The following RCN2 variants were observed in gnomAD, a reference collection of about 807,000 sequenced individuals.
RCN2 encodes the protein reticulocalbin 2, also known as reticulocalbin-2.
A neutral mutation model predicts 37.5 loss-of-function variants in RCN2; 23 were observed. That is an observed-to-expected ratio of 0.61 (90% CI 0.44 to 0.87). RCN2 has a LOEUF of 0.87. Ranked by LOEUF, RCN2 falls within the 40% of genes least tolerant of loss-of-function variation. The pLI, the probability that RCN2 is intolerant of heterozygous loss-of-function variation, is 0.00. For missense variants in RCN2, 381 were observed against 390.4 expected (o/e 0.98, Z 0.20); for synonymous variants, 140 against 144.6 (o/e 0.97, Z 0.23).
At chr15:76,939,313 ATAT>A (rs1410726052) in intron 3 of RCN2, among the ~76,000 whole-genome samples, 1 of 152,004 alleles carries the variant, frequency 6.6e-6, no homozygotes, top group Non-Finnish European at 1.5e-5. Flanking sequence ...GTGTGGATAA[ATAT>A]TAATAAATGG....
At position 76,943,779 on chromosome 15, in the gene RCN2, C is replaced by CTTTTGTT. The variant is rs2075284664; in HGVS notation, c.469_470insTTTTGTT (p.Arg157LeufsTer5). ...AAAGCTTCACTTAAAGGACAAGAAG[C>CTTTTGTT]GATTTGAAAAAGCTAACCAGGATTC... On this transcript the variant is annotated frameshift_variant, in exon 4 of 7. Transcript: ENST00000394885. LOFTEE classifies it high-confidence loss of function. The CTTTTGTT allele has an allele frequency of 6.2e-7, 1 of 1,602,490 alleles. No homozygotes were observed. The highest frequency in any genetic ancestry group is 1.3e-5 in the African/African-American group (1 of 74,650).
intron 4 of RCN2, among the ~76,000 whole-genome samples, chr15:76,946,237 C>T (rs2075296182): frequency 6.6e-6 from 1 of 151,108 alleles, no homozygotes; most frequent in African/African-American, 2.4e-5. Flanking sequence ...AGGAGGACAG[C>T]TTGAGGCTAG....
At chr15:76,947,662 A>G in intron 5 of RCN2, 145 bp downstream of exon 5, 2 of 591,404 alleles carry the variant, frequency 3.4e-6, no homozygotes, top group South Asian at 2.2e-5. Context: ...CTGTAATACA[A>G]GTTCAACAAA....
chr15:76,939,051 T>A (rs138009641), intron 3 of RCN2, among the ~76,000 whole-genome samples: 5 of 152,180 alleles, frequency 3.3e-5, no homozygotes, highest in African/African-American at 1.2e-4. Flanking sequence ...TAAAGCTGTC[T>A]AGTTAACAAA....
At chr15:76,934,171 C>G (rs1364760624) in intron 2 of RCN2, among the ~76,000 whole-genome samples, 1 of 150,670 alleles carries the variant, frequency 6.6e-6, no homozygotes, top group Non-Finnish European at 1.5e-5. Context: ...GAGGCAGAGT[C>G]TCGCTCTTGT....
intron 6 of RCN2, 37 bp downstream of exon 6, chr15:76,948,589 TCC>T (rs771677983): frequency 6.8e-7 from 1 of 1,468,932 alleles, no homozygotes. Context: ...CTCCACCCCC[TCC>T]CCCCGAATTT....
chr15:76,933,629 A>C (rs991208487), intron 2 of RCN2, among the ~76,000 whole-genome samples: 10 of 152,274 alleles, frequency 6.6e-5, no homozygotes, highest in Admixed American at 3.3e-4. Flanking sequence ...CCAAATATTC[A>C]TTATACAGAT....
At chr15:76,946,831 G>A (rs950589557) in intron 4 of RCN2, among the ~76,000 whole-genome samples, 1 of 152,204 alleles carries the variant, frequency 6.6e-6, no homozygotes, top group African/African-American at 2.4e-5. Flanking sequence ...TAGGGAAAAG[G>A]ATTGGTTGTT....
At chr15:76,936,153 G>A (rs1568459142) in intron 3 of RCN2, among the ~76,000 whole-genome samples, 4 of 150,072 alleles carry the variant, frequency 2.7e-5, no homozygotes, top group South Asian at 2.1e-4. Flanking sequence ...ACTGAGAATC[G>A]TAAGTATCCA....
In RCN2 at chr15:76,949,180, C is replaced by T; in HGVS notation, c.912C>T (p.Gly304=). Residue 304 remains glycine, a synonymous_variant, in exon 7 of 7, where the codon GGC becomes GGT. Coordinates refer to ENST00000394885, the MANE Select transcript of RCN2 (RefSeq NM_002902.3). ...LFLTSEATDY[G]RQLHDDYFYH... is the part of the protein sequence containing the mutation. ...TCACCAGTGAAGCCACAGATTATGG[C>T]AGACAGCTCCATGATGACTATTTCT... is the stretch of plus-strand genomic sequence containing the variant. 6.2e-7 allele frequency: 1 copy of T among 1,612,934 alleles called. No homozygotes were observed. Among genetic ancestry groups the T allele is most frequent in the Non-Finnish European group, 8.5e-7 (1 of 1,179,404 alleles).
rs1210403704 is a variant in RCN2 at position 76,947,434 on chromosome 15, A to G, written c.575A>G (p.Gln192Arg). Reference protein sequence around the residue: ...EVDYMTEFVIQEALEEHDKNG... With the variant: ...EVDYMTEFVIREALEEHDKNG... ...AACGTGGAATAGGAATTTGTCATTC[A>G]AGAAGCTTTAGAAGAACATGACAAA... Residue 192 changes from glutamine (Q) to arginine (R), a missense_variant, in exon 5 of 7, where the codon CAA becomes CGA. By Grantham distance (43) the Gln-to-Arg change is conservative. Coordinates refer to ENST00000394885, the MANE Select transcript of RCN2 (RefSeq NM_002902.3). The G allele has an allele frequency of 1.3e-6, 2 of 1,596,970 alleles. No homozygotes were observed. The highest frequency in any genetic ancestry group is 2.3e-5 in the East Asian group (1 of 44,226).
Position 76,949,073 on chromosome 15 carries a change from C to A in RCN2, c.805C>A (p.Leu269Ile). ...ACTTTTTTGTTTTATTTTGAAGGCGCTTCATCTAATTGATGAAATGGATTT... is the reference window on the plus strand; with the variant it reads ...ACTTTTTTGTTTTATTTTGAAGGCGATTCATCTAATTGATGAAATGGATTT... Reference protein sequence around the residue: ...NNQGIAQEEALHLIDEMDLNG... With the variant: ...NNQGIAQEEAIHLIDEMDLNG... Residue 269 changes from leucine to isoleucine, a missense_variant, in exon 7 of 7, where the codon CTT becomes ATT. Physicochemically the swap from Leu to Ile is conservative, Grantham distance 5. Transcript: ENST00000394885. 6.3e-7 allele frequency: 1 copy of A among 1,592,118 alleles called. No homozygotes were observed. Among genetic ancestry groups the A allele is most frequent in the Non-Finnish European group, 8.5e-7 (1 of 1,172,118 alleles).
At chr15:76,941,814 T>C (rs1011917801) in intron 3 of RCN2, 4 of 512,338 alleles carry the variant, frequency 7.8e-6, no homozygotes, top group East Asian at 6.5e-5. Context: ...TTTCTTTCCA[T>C]AGGCAAATTT....
intron 3 of RCN2, chr15:76,942,961 A>G (rs2075281738): frequency 6.6e-6 from 1 of 152,202 alleles, no homozygotes; most frequent in African/African-American, 2.4e-5. Flanking sequence ...CCAAAAAAGA[A>G]AAGATTTCCA....
intron 2 of RCN2, among the ~76,000 whole-genome samples, chr15:76,933,046 GC>G (rs2075231343): frequency 6.6e-6 from 1 of 151,912 alleles, no homozygotes; most frequent in Admixed American, 6.6e-5. Context: ...CAGGTATCCT[GC>G]TCTTAATTCA....
chr15:76,950,032 T>C lies in RCN2; in HGVS notation c.*810T>C, dbSNP rs1044535789. On this transcript the variant is annotated 3_prime_UTR_variant, in exon 7 of 7. Coordinates refer to ENST00000394885, the MANE Select transcript of RCN2 (RefSeq NM_002902.3). ...AGTTCCCAAAACTGTCAAATTATTC[T>C]TGCTGCATTTTCTTATTTTTTTTTT... is the stretch of plus-strand genomic sequence containing the variant. 3 of 152,574 alleles carry C rather than the reference T, an allele frequency of 2.0e-5. No individual in the cohort carries two copies. Among genetic ancestry groups the C allele is most frequent in the Non-Finnish European group, 4.4e-5 (3 of 68,040 alleles). 9.5% of individuals were successfully genotyped at this position (152,574 alleles called of 1,614,324 possible). A position where few individuals can be genotyped will look rare whatever the true frequency, so the allele number is the denominator to read the frequency against.
intron 5 of RCN2, 40 bp downstream of exon 5, chr15:76,947,557 G>C (rs761312051): frequency 7.8e-7 from 1 of 1,285,928 alleles, no homozygotes; most frequent in Non-Finnish European, 1.1e-6. Flanking sequence ...AAAAGGAATT[G>C]AAGAAAGACA....
intron 3 of RCN2, among the ~76,000 whole-genome samples, chr15:76,939,778 G>A (rs780928401): frequency 6.6e-6 from 1 of 152,126 alleles, no homozygotes; most frequent in Non-Finnish European, 1.5e-5. Context: ...TTCTAATTAT[G>A]TTTTCTATTT....
chr15:76,932,051 C>T (rs2075225365), intron 1 of RCN2, 66 bp downstream of exon 1: 1 of 1,240,984 alleles, frequency 8.1e-7, no homozygotes. Flanking sequence ...GGCTTTGTCC[C>T]GGGACAAAGG....
Sources: gnomAD v4.1 joint callset for allele counts (sites outside exome capture counted in the v4.1 genomes callset) on GRCh38, gnomAD v4.1.1 for gene constraint, MANE v1.5 for transcripts, NCBI Gene and HGNC (gene_info 2026-07-23, HGNC 2026-07-21) for gene names.